The following COL6A6 variants were observed in gnomAD, a reference collection of about 807,000 sequenced individuals.
The protein encoded by COL6A6 is collagen type VI alpha 6 chain.
COL6A6 carries 183 observed loss-of-function variants against 208.6 expected under a neutral mutation model. The observed-to-expected ratio is 0.88, with a 90% CI of 0.78 to 0.99. The LOEUF (loss-of-function observed/expected upper bound fraction) is 0.99. COL6A6 is among the 50% of genes least tolerant of loss of function. COL6A6 has a pLI of 0.00. For synonymous variants in COL6A6, 973 were observed against 1,011.8 expected, an observed-to-expected ratio of 0.96 and a Z score of 0.73; for missense variants, 2,816 against 2,815.2, an observed-to-expected ratio of 1.00 and a Z score of -0.01.
chr3:130,586,712 A>G, intron 11 of COL6A6, 52 bp downstream of exon 11: 2 of 1,527,818 alleles, frequency 1.3e-6, no homozygotes. Flanking sequence ...TATTTTGTAT[A>G]TAAGTTTAAT....
chr3:130,615,704 A>G (rs1175296001), intron 23 of COL6A6, among the ~76,000 whole-genome samples: 1 of 152,198 alleles, frequency 6.6e-6, no homozygotes. Flanking sequence ...CCATAAATTG[A>G]AATTTGTTAA....
intron 1 of COL6A6, among the ~76,000 whole-genome samples, chr3:130,557,249 A>G (rs774136774): frequency 1.6e-4 from 24 of 152,260 alleles, no homozygotes; most frequent in Non-Finnish European, 3.1e-4. Context: ...TGATTAACAT[A>G]CAAAGCTCCT....
chr3:130,614,113 A>C (rs1420554144), intron 23 of COL6A6, among the ~76,000 whole-genome samples: 1 of 152,180 alleles, frequency 6.6e-6, no homozygotes, highest in Non-Finnish European at 1.5e-5. Flanking sequence ...GAAGGCTTCC[A>C]GCTTTTGCCT....
Position 130,581,812 on chromosome 3 carries a change from GAT to G in COL6A6, c.3803_3804del (p.Ile1268AsnfsTer3). On this transcript the variant is annotated frameshift_variant, in exon 9 of 37. Coordinates refer to ENST00000358511, the MANE Select transcript of COL6A6 (RefSeq NM_001102608.3). LOFTEE classifies it high-confidence loss of function. ...TGAAAACATACTGAATAGCTTGAAG[GAT>G]ATAACAGTTAAAGGACCATCTCTTC... ...YSENILNSLK[D>X]ITVKGPSLLN... is the part of the protein sequence containing the mutation. 6.2e-7 allele frequency: 1 copy of G among 1,613,302 alleles called. No individual in the cohort carries two copies. Among genetic ancestry groups the G allele is most frequent in the Non-Finnish European group, 8.5e-7 (1 of 1,179,268 alleles).
chr3:130,609,048 A>G, intron 22 of COL6A6, 84 bp downstream of exon 22: 1 of 977,032 alleles, frequency 1.0e-6, no homozygotes, highest in South Asian at 1.4e-5. Flanking sequence ...AGAAACCTTC[A>G]AATCTCCCTT....
chr3:130,581,716 A>G lies in COL6A6; in HGVS notation c.3703A>G (p.Thr1235Ala), dbSNP rs775071995. Reference protein sequence around the residue: ...NGVSCEVGTETQVSVAFQVTN... With the variant: ...NGVSCEVGTEAQVSVAFQVTN... The stretch of plus-strand genomic sequence containing the variant: ...AGTAAGCTGTGAGGTGGGCACAGAG[A>G]CTCAGGTCAGTGTGGCTTTTCAAGT... Residue 1235 changes from threonine (T) to alanine (A), a missense_variant, in exon 9 of 37, where the codon ACT (threonine) becomes GCT (alanine). Thr to Ala is a moderately conservative substitution (Grantham distance 58). Transcript: ENST00000358511. The G allele has an allele frequency of 1.8e-5, 29 of 1,613,870 alleles. No homozygotes were observed. Among genetic ancestry groups the G allele is most frequent in the African/African-American group, 4.0e-5 (3 of 74,928 alleles).
intron 34 of COL6A6, among the ~76,000 whole-genome samples, chr3:130,659,611 A>T (rs11710962): frequency 0.36 from 54,782 of 152,104 alleles, 12,814 homozygotes; most frequent in African/African-American, 0.66. Flanking sequence ...ATTTTACAGA[A>T]GAGAAAAATA....
In COL6A6 at chr3:130,617,098, G is replaced by A. The variant is rs142182021; in HGVS notation, c.4816-4723G>A. On this transcript the variant is annotated intron_variant, in intron 23 of 36. Coordinates refer to ENST00000358511, the MANE Select transcript of COL6A6 (RefSeq NM_001102608.3). ...GGCCATGATAGTAATATAACAATAC[G>A]TAACCTGTAGTAATCAACAAGTTTC... Among the ~76,000 whole-genome samples, 297 of 152,228 alleles carry A rather than the reference G, an allele frequency of 2.0e-3. 1 individual carries two copies. The highest frequency in any genetic ancestry group is 6.6e-3 in the African/African-American group (276 of 41,560).
intron 28 of COL6A6, among the ~76,000 whole-genome samples, chr3:130,640,057 A>G (rs1186281457): frequency 1.3e-5 from 2 of 152,158 alleles, no homozygotes; most frequent in African/African-American, 4.8e-5. Context: ...CTAGGGTGGG[A>G]AAAGGGACAT....
intron 8 of COL6A6, among the ~76,000 whole-genome samples, chr3:130,577,631 G>C (rs148364200): frequency 6.6e-6 from 1 of 152,334 alleles, no homozygotes; most frequent in African/African-American, 2.4e-5. Flanking sequence ...TCAGCATGTG[G>C]ACTCCAGAGA....
chr3:130,667,806 A>G (rs1196054529), intron 36 of COL6A6, among the ~76,000 whole-genome samples: 1 of 152,078 alleles, frequency 6.6e-6, no homozygotes, highest in African/African-American at 2.4e-5. Flanking sequence ...AATGTAAGTC[A>G]CAGGGAGATA....
In COL6A6 at chr3:130,649,514, C is replaced by G; in HGVS notation, c.5685C>G (p.Pro1895=). 1 of 1,603,624 alleles carries G rather than the reference C, an allele frequency of 6.2e-7. No homozygotes were observed. The highest frequency in any genetic ancestry group is 8.5e-7 in the Non-Finnish European group (1 of 1,174,798). ...AMEFGALEII[P]VVITFSNVPS... is the part of the protein sequence containing the mutation. ...AGTTCGGCGCGCTTGAAATCATTCC[C>G]GTGGTGATCACTTTCAGCAACGTGC... The change falls in exon 33 of 37, where the codon CCC becomes CCG. Residue 1895 remains proline (P), a synonymous_variant. Coordinates refer to ENST00000358511, the MANE Select transcript of COL6A6 (RefSeq NM_001102608.3).
chr3:130,592,613 G>C lies in COL6A6; in HGVS notation c.4344+1G>C. 1 of 1,613,518 alleles carries C rather than the reference G, an allele frequency of 6.2e-7. No homozygotes were observed. Among genetic ancestry groups the C allele is most frequent in the South Asian group, 1.1e-5 (1 of 91,042 alleles). On this transcript the variant is annotated splice_donor_variant, in intron 14 of 36. Transcript: ENST00000358511. LOFTEE classifies it high-confidence loss of function. ...ATGCTATGGCACCAAAGGTCCTAAGGTAAGGATTGCATAAGAGTGTGGAGT... is the reference window on the plus strand; with the variant it reads ...ATGCTATGGCACCAAAGGTCCTAAGCTAAGGATTGCATAAGAGTGTGGAGT...
At chr3:130,649,620 G>T (rs2065575944) in intron 33 of COL6A6, 58 bp downstream of exon 33, 1 of 1,459,098 alleles carries the variant, frequency 6.9e-7, no homozygotes, top group Non-Finnish European at 9.1e-7. Flanking sequence ...GTATTCAGAA[G>T]CCCCTATACT....
At chr3:130,521,519 G>A (rs1174898784) in intron 1 of COL6A6, among the ~76,000 whole-genome samples, 1 of 152,198 alleles carries the variant, frequency 6.6e-6, no homozygotes, top group Non-Finnish European at 1.5e-5. Flanking sequence ...AAACTTTAAT[G>A]TGAAGATGAC....
chr3:130,519,583 G>A (rs968135508), intron 1 of COL6A6, among the ~76,000 whole-genome samples: 1 of 152,032 alleles, frequency 6.6e-6, no homozygotes, highest in African/African-American at 2.4e-5. Flanking sequence ...AAAGTATAAG[G>A]TAGATTAGCT....
chr3:130,628,562 TTTATTTTAAA>T lies in COL6A6; in HGVS notation c.4992+1197_4992+1206del, dbSNP rs1249371510. 3.3e-5 allele frequency among the ~76,000 whole-genome samples: 5 copies of T among 152,316 alleles called. No individual in the cohort carries two copies. In the East Asian group the frequency reaches 9.6e-4, roughly 29 times the overall value. Reference sequence around the variant, plus strand: ...GATTTATTATAATCAGGAAATGAGCTTTATTTTAAATTAATTATATACTTTTTTATCCAGT... The same window carrying T: ...GATTTATTATAATCAGGAAATGAGCTTTAATTATATACTTTTTTATCCAGT... On this transcript the variant is annotated intron_variant, in intron 26 of 36. Transcript: ENST00000358511.
chr3:130,674,273 T>G (rs1208156182), intron 36 of COL6A6, among the ~76,000 whole-genome samples: 1 of 152,218 alleles, frequency 6.6e-6, no homozygotes, highest in East Asian at 1.9e-4. Context: ...ACATTTCAAG[T>G]GCTCAAAAGC....
chr3:130,527,871 A>G (rs1023050661), intron 1 of COL6A6, among the ~76,000 whole-genome samples: 4 of 122,034 alleles, frequency 3.3e-5, no homozygotes, highest in African/African-American at 6.1e-5. Context: ...CCATCAAGTT[A>G]CTTCCAATGT....
Sources: allele counts gnomAD v4.1 joint callset (sites outside exome capture counted in the v4.1 genomes callset), GRCh38; gene constraint gnomAD v4.1.1; transcripts MANE v1.5; gene names NCBI Gene and HGNC (gene_info 2026-07-23, HGNC 2026-07-21).